Variants in BMPER observed in about 807,000 individuals in gnomAD.
BMPER encodes BMP-binding endothelial regulator protein.
Under a neutral mutation model 87.3 loss-of-function variants are expected in BMPER, and 45 were observed. That is an observed-to-expected ratio of 0.52 (90% CI 0.41 to 0.66). The LOEUF is 0.66. Among genes scored for constraint, BMPER ranks in the 30% least tolerant of loss-of-function variants. The pLI, the probability that BMPER is intolerant of heterozygous loss-of-function variation, is 0.00. For missense variants in BMPER, 784 were observed against 867.5 expected (o/e 0.90, Z 1.21); for synonymous variants, 326 against 316.2 (o/e 1.03, Z -0.33).
At chr7:33,925,182 G>C (rs960382063) in intron 2 of BMPER, among the ~76,000 whole-genome samples, 2 of 152,162 alleles carry the variant, frequency 1.3e-5, no homozygotes, top group South Asian at 4.1e-4. Flanking sequence ...GGCTTATTCA[G>C]TGCATATTTG....
chr7:34,085,955 A>C lies in BMPER; in HGVS notation c.1608A>C (p.Arg536Ser). 1.2e-6 allele frequency: 2 copies of C among 1,614,126 alleles called. No homozygotes were observed. The part of the protein sequence containing the change: ...WRVESNEFCN[R>S]PQRKPVPELC... ...TGGAGTCCAATGAGTTCTGCAACAG[A>C]CCTCAGAGAAAGCCAGTGCCTGAAC... Residue 536 changes from arginine to serine, a missense_variant, in exon 13 of 15, where the codon AGA becomes AGC. Arg to Ser is a moderately radical substitution (Grantham distance 110). Coordinates refer to ENST00000649409, the MANE Select transcript of BMPER (RefSeq NM_001365308.1).
chr7:34,067,194 C>T (rs1788616093), intron 11 of BMPER: 1 of 152,154 alleles, frequency 6.6e-6, no homozygotes, highest in South Asian at 2.1e-4. Flanking sequence ...TTTAAACCCC[C>T]CAGGGTTGGT....
intron 6 of BMPER, among the ~76,000 whole-genome samples, chr7:34,015,984 A>AAGAG (rs1193093755): frequency 1.8e-4 from 27 of 151,386 alleles, no homozygotes; most frequent in Admixed American, 1.8e-3. Flanking sequence ...CAGATGGAGA[A>AAGAG]AGAGAGAGAG....
At chr7:33,929,593 C>T (rs1347396486) in intron 2 of BMPER, among the ~76,000 whole-genome samples, 2 of 152,206 alleles carry the variant, frequency 1.3e-5, no homozygotes, top group African/African-American at 2.4e-5. Flanking sequence ...AGGTGGCTCA[C>T]TTAGCCTCTA....
intron 13 of BMPER, among the ~76,000 whole-genome samples, chr7:34,104,792 G>T (rs1394518238): frequency 6.6e-6 from 1 of 152,102 alleles, no homozygotes; most frequent in Non-Finnish European, 1.5e-5. Context: ...TGTGTCCATT[G>T]CCTGGGTGAG....
At chr7:34,058,218 T>C in intron 10 of BMPER, 55 bp downstream of exon 10, 3 of 1,507,772 alleles carry the variant, frequency 2.0e-6, no homozygotes, top group Non-Finnish European at 2.8e-6. Context: ...ATGTCCTGTG[T>C]GTGGCACAGT....
intron 3 of BMPER, among the ~76,000 whole-genome samples, chr7:33,938,667 C>T (rs1784670986): frequency 6.6e-6 from 1 of 152,190 alleles, no homozygotes; most frequent in South Asian, 2.1e-4. Flanking sequence ...AACTCATCCA[C>T]CACATTTCCA....
chr7:34,112,304 C>G (rs896941568), intron 13 of BMPER, among the ~76,000 whole-genome samples: 3 of 151,492 alleles, frequency 2.0e-5, no homozygotes, highest in African/African-American at 7.3e-5. Flanking sequence ...ACCATCCCGG[C>G]TAACATGGTG....
chr7:34,017,694 T>C (rs1279525345), intron 6 of BMPER, among the ~76,000 whole-genome samples: 1 of 151,856 alleles, frequency 6.6e-6, no homozygotes, highest in Non-Finnish European at 1.5e-5. Flanking sequence ...CACACATTAC[T>C]GAGCCTTCAC....
chr7:33,960,642 C>A (rs1207858314), intron 3 of BMPER, among the ~76,000 whole-genome samples: 1 of 152,112 alleles, frequency 6.6e-6, no homozygotes, highest in Non-Finnish European at 1.5e-5. Context: ...GTTAGGGAAC[C>A]AAAATAGATT....
rs957238332 is a variant in BMPER at position 34,156,290 on chromosome 7, C to G, written c.*3017C>G. ...TCCTTTTTATGAGATATTTCAGACACACAAAAAGGCATAGAGAAAAATGTT... is the reference window on the plus strand; with the variant it reads ...TCCTTTTTATGAGATATTTCAGACAGACAAAAAGGCATAGAGAAAAATGTT... On this transcript the variant is annotated 3_prime_UTR_variant, in exon 15 of 15. Transcript: ENST00000649409. Among the ~76,000 whole-genome samples, 1 of 152,172 alleles carries G rather than the reference C, an allele frequency of 6.6e-6. No individual in the cohort carries two copies. The highest frequency in any genetic ancestry group is 1.5e-5 in the Non-Finnish European group (1 of 68,030).
At chr7:33,916,505 A>G (rs898752199) in intron 2 of BMPER, among the ~76,000 whole-genome samples, 5 of 152,246 alleles carry the variant, frequency 3.3e-5, no homozygotes, top group Non-Finnish European at 7.3e-5. Context: ...GCACTAGTGC[A>G]TACCTGTGGG....
At chr7:34,029,470 C>T (rs1787468488) in intron 6 of BMPER, among the ~76,000 whole-genome samples, 1 of 152,036 alleles carries the variant, frequency 6.6e-6, no homozygotes, top group Admixed American at 6.6e-5. Flanking sequence ...CTGCTCCCAG[C>T]TTGTTGTCCT....
At chr7:34,045,847 A>T (rs1222966988) in intron 6 of BMPER, among the ~76,000 whole-genome samples, 1 of 152,110 alleles carries the variant, frequency 6.6e-6, no homozygotes, top group Non-Finnish European at 1.5e-5. Flanking sequence ...GGAAGATAGG[A>T]GGAAAAGTCT....
intron 4 of BMPER, among the ~76,000 whole-genome samples, chr7:33,969,862 A>C (rs1785494485): frequency 2.6e-5 from 4 of 152,138 alleles, no homozygotes; most frequent in Admixed American, 2.6e-4. Flanking sequence ...TGGCCTAGTT[A>C]TTTCTAGAAG....
chr7:34,141,157 G>T (rs1481181351), intron 13 of BMPER, among the ~76,000 whole-genome samples: 9 of 152,184 alleles, frequency 5.9e-5, no homozygotes. Context: ...TCATACACTG[G>T]CATTTAGACG....
intron 3 of BMPER, among the ~76,000 whole-genome samples, chr7:33,941,082 T>A (rs1223511275): frequency 1.8e-4 from 24 of 135,446 alleles, no homozygotes; most frequent in African/African-American, 6.1e-4. Flanking sequence ...TTTATATATT[T>A]ATATATAATT....
At chr7:33,971,435 C>T (rs2128618918) in intron 5 of BMPER, among the ~76,000 whole-genome samples, 1 of 152,310 alleles carries the variant, frequency 6.6e-6, no homozygotes, top group South Asian at 2.1e-4. Context: ...CTCTTTTTCA[C>T]ACTGGGATTT....
intron 13 of BMPER, among the ~76,000 whole-genome samples, chr7:34,142,192 G>T (rs1018979494): frequency 6.6e-6 from 1 of 152,152 alleles, no homozygotes. Flanking sequence ...AAACTGTTAG[G>T]CAGTAAATTT....
Sources: allele counts gnomAD v4.1 joint callset (sites outside exome capture counted in the v4.1 genomes callset), GRCh38; gene constraint gnomAD v4.1.1; transcripts MANE v1.5; gene names NCBI Gene and HGNC (gene_info 2026-07-23, HGNC 2026-07-21).